Variants in MYT1L observed in about 807,000 individuals in gnomAD.
MYT1L encodes myelin transcription factor 1-like protein.
In MYT1L, 12 loss-of-function variants were observed where a neutral mutation model predicts 126.7. That is an observed-to-expected ratio of 0.09 (90% confidence interval 0.06 to 0.15). The LOEUF (loss-of-function observed/expected upper bound fraction) is 0.15. Among genes scored for constraint, MYT1L ranks in the 10% least tolerant of loss-of-function variants. MYT1L has a pLI of 1.00. For synonymous variants in MYT1L, 541 were observed against 604.2 expected, an observed-to-expected ratio of 0.90 and a Z score of 1.53; for missense variants, 979 against 1,585.2, an observed-to-expected ratio of 0.62 and a Z score of 6.49.
In MYT1L at chr2:1,840,784, T is replaced by C. The variant is rs1322652806; in HGVS notation, c.2834A>G (p.Asp945Gly). 6.4e-7 allele frequency: 1 copy of C among 1,551,106 alleles called. No individual in the cohort carries two copies. The highest frequency in any genetic ancestry group is 8.7e-7 in the Non-Finnish European group (1 of 1,146,964). ...CCTGATGGGTTCTTGATCTTCTTTATCTTCTTTGCTCTGTGCTATCCTGAT... is the reference window on the plus strand; with the variant it reads ...CCTGATGGGTTCTTGATCTTCTTTACCTTCTTTGCTCTGTGCTATCCTGAT... ...SGIRIAQSKE[D>G]KEDQEPIRCP... The change falls in exon 20 of 25, where the codon GAT becomes GGT. Residue 945 changes from aspartate (D) to glycine (G), a missense_variant. Asp to Gly is a moderately conservative substitution (Grantham distance 94). This residue lies in a region of MYT1L where 179 missense variants were observed against 398.6 expected (regional missense o/e 0.45). Coordinates refer to ENST00000647738, the MANE Select transcript of MYT1L (RefSeq NM_001303052.2).
chr2:2,191,450 C>T (rs947800744), intron 2 of MYT1L, among the ~76,000 whole-genome samples: 4 of 152,174 alleles, frequency 2.6e-5, no homozygotes, highest in Admixed American at 6.5e-5. Flanking sequence ...AAATCTGACT[C>T]GGAGTAAACA....
chr2:1,959,140 T>G (rs1378502728), intron 8 of MYT1L, among the ~76,000 whole-genome samples: 2 of 152,084 alleles, frequency 1.3e-5, no homozygotes, highest in Non-Finnish European at 2.9e-5. Context: ...CTCATAGCTG[T>G]GAAAAAAAAC....
chr2:2,120,161 G>A (rs143426742), intron 3 of MYT1L, among the ~76,000 whole-genome samples: 29 of 152,260 alleles, frequency 1.9e-4, no homozygotes, highest in Middle Eastern at 3.4e-3. Context: ...AGTGTTAATC[G>A]TCAAATTAGC....
intron 1 of MYT1L, among the ~76,000 whole-genome samples, chr2:2,295,434 G>A (rs2095656380): frequency 6.6e-6 from 1 of 152,090 alleles, no homozygotes. Flanking sequence ...GTGGCAAGAG[G>A]TTCACCCTGA....
chr2:2,118,364 T>C (rs2080503361), intron 3 of MYT1L, among the ~76,000 whole-genome samples: 1 of 152,220 alleles, frequency 6.6e-6, no homozygotes, highest in Non-Finnish European at 1.5e-5. Context: ...CTTGAAGTCC[T>C]AATTGAAGAT....
At position 2,133,188 on chromosome 2, in the gene MYT1L, A is replaced by G. The variant is rs181687001; in HGVS notation, c.-304+39684T>C. Among the ~76,000 whole-genome samples the G allele has an allele frequency of 3.0e-3, 456 of 152,272 alleles. 3 individuals are homozygous for G. Among genetic ancestry groups the G allele is most frequent in the African/African-American group, 0.01 (435 of 41,564 alleles). Reference sequence around the variant, plus strand: ...GCTTATCTCCAAATATACTTTTAAAAGTTTAGGAAGATCACAGGACGGCAG... The same window carrying G: ...GCTTATCTCCAAATATACTTTTAAAGGTTTAGGAAGATCACAGGACGGCAG... On this transcript the variant is annotated intron_variant, in intron 3 of 24. Coordinates refer to ENST00000647738, the MANE Select transcript of MYT1L (RefSeq NM_001303052.2).
At chr2:1,964,102 A>G (rs1370434054) in intron 8 of MYT1L, among the ~76,000 whole-genome samples, 2 of 152,130 alleles carry the variant, frequency 1.3e-5, no homozygotes, top group Non-Finnish European at 2.9e-5. Flanking sequence ...AGGCCATTGT[A>G]GAGTTGTTAA....
At chr2:2,197,824 C>T (rs1300918829) in intron 2 of MYT1L, among the ~76,000 whole-genome samples, 2 of 151,470 alleles carry the variant, frequency 1.3e-5, no homozygotes, top group African/African-American at 4.9e-5. Flanking sequence ...TGCACACACA[C>T]ACGCACACAA....
At chr2:1,859,881 C>T (rs969333913) in intron 18 of MYT1L, among the ~76,000 whole-genome samples, 3 of 152,230 alleles carry the variant, frequency 2.0e-5, no homozygotes, top group Non-Finnish European at 4.4e-5. Flanking sequence ...GGACCCGGGC[C>T]GCGCTGGTGA....
intron 3 of MYT1L, among the ~76,000 whole-genome samples, chr2:2,086,683 G>A (rs545737869): frequency 9.9e-5 from 15 of 152,228 alleles, no homozygotes; most frequent in Middle Eastern, 3.4e-3. Flanking sequence ...CCCGGTGACC[G>A]AACCCCAGGC....
intron 18 of MYT1L, among the ~76,000 whole-genome samples, chr2:1,860,493 G>A (rs60026188): frequency 0.13 from 20,407 of 152,216 alleles, 1,827 homozygotes; most frequent in African/African-American, 0.26. Context: ...TCAGGGCTGG[G>A]ATGCTGGGGC....
At chr2:1,959,389 A>G (rs1310584977) in intron 8 of MYT1L, among the ~76,000 whole-genome samples, 1 of 152,166 alleles carries the variant, frequency 6.6e-6, no homozygotes, top group East Asian at 1.9e-4. Flanking sequence ...CTGGATGTGA[A>G]AGTCCCTCCT....
chr2:2,322,367 C>A (rs559689379), intron 1 of MYT1L, among the ~76,000 whole-genome samples: 1 of 152,058 alleles, frequency 6.6e-6, no homozygotes, highest in Non-Finnish European at 1.5e-5. Context: ...CCATGAAAGG[C>A]TGCTTTTCTT....
chr2:2,070,224 CCTA>C (rs993332707), intron 3 of MYT1L, among the ~76,000 whole-genome samples: 1 of 152,132 alleles, frequency 6.6e-6, no homozygotes, highest in Non-Finnish European at 1.5e-5. Context: ...ATCATTCTTA[CCTA>C]CTTTTTTTGC....
intron 4 of MYT1L, among the ~76,000 whole-genome samples, chr2:2,003,989 GCGTTCTTTCCT>G (rs2062728101): frequency 6.7e-6 from 1 of 149,724 alleles, no homozygotes; most frequent in Non-Finnish European, 1.5e-5. Context: ...TTTCCTGCAA[GCGTTCTTTCCT>G]GCATGCCTTC....
At chr2:2,125,665 T>A (rs980688015) in intron 3 of MYT1L, among the ~76,000 whole-genome samples, 1 of 152,238 alleles carries the variant, frequency 6.6e-6, no homozygotes, top group Admixed American at 6.5e-5. Flanking sequence ...ATACAAAATA[T>A]TGTAATTTTG....
At chr2:2,111,756 A>G (rs1285007913) in intron 3 of MYT1L, among the ~76,000 whole-genome samples, 1 of 152,230 alleles carries the variant, frequency 6.6e-6, no homozygotes, top group Non-Finnish European at 1.5e-5. Flanking sequence ...CTTTATCTCA[A>G]AACGTGCAGG....
chr2:1,816,075 C>T (rs916048296), intron 21 of MYT1L: 2 of 152,282 alleles, frequency 1.3e-5, no homozygotes, highest in African/African-American at 4.8e-5. Context: ...AAGCGACCCT[C>T]CTGCCTCAGC....
intron 2 of MYT1L, among the ~76,000 whole-genome samples, chr2:2,265,723 T>C (rs1451429445): frequency 1.3e-5 from 2 of 152,214 alleles, no homozygotes; most frequent in African/African-American, 4.8e-5. Flanking sequence ...TTTTATATGG[T>C]TTTGGTAAGC....
Sources: gnomAD v4.1 joint callset for allele counts (sites outside exome capture counted in the v4.1 genomes callset) on GRCh38, gnomAD v4.1.1 for gene constraint, gnomAD v4.1.1 regional missense constraint, MANE v1.5 for transcripts, NCBI Gene and HGNC (gene_info 2026-07-23, HGNC 2026-07-21) for gene names.